The following EIF2B1 variants were observed in gnomAD, a reference collection of about 807,000 sequenced individuals.
The protein encoded by EIF2B1 is eukaryotic translation initiation factor 2B subunit alpha.
Under a neutral mutation model 36.8 loss-of-function variants are expected in EIF2B1, and 30 were observed. The observed-to-expected ratio is 0.81, with a 90% CI of 0.61 to 1.10. EIF2B1 has a LOEUF of 1.10. Ranked by LOEUF, EIF2B1 falls within the 50% of genes least tolerant of loss-of-function variation. EIF2B1 has a pLI of 0.00. For missense variants in EIF2B1, 271 were observed against 374.8 expected (o/e 0.72, Z 2.29); for synonymous variants, 139 against 142.2 (o/e 0.98, Z 0.16).
chr12:123,629,567 G>A (rs182474783), intron 4 of EIF2B1, among the ~76,000 whole-genome samples: 68 of 152,278 alleles, frequency 4.5e-4, no homozygotes, highest in Non-Finnish European at 7.5e-4. Flanking sequence ...GCCGAAGCGG[G>A]TGGATCACAA....
chr12:123,622,773 G>A lies in EIF2B1; in HGVS notation c.628-12C>T. Reference sequence around the variant, plus strand: ...TGGTTGGTTCCAATCTGGGAAGGCAGAAAATGGAATGGATGAGCTCTAGAG... The same window carrying A: ...TGGTTGGTTCCAATCTGGGAAGGCAAAAAATGGAATGGATGAGCTCTAGAG... On this transcript the variant is annotated splice_polypyrimidine_tract_variant and intron_variant, in intron 7 of 8. Coordinates refer to ENST00000424014, the MANE Select transcript of EIF2B1 (RefSeq NM_001414.4). 1 of 1,613,510 alleles carries A rather than the reference G, an allele frequency of 6.2e-7. No homozygotes were observed.
At chr12:123,621,957 T>C (rs1955103851) in intron 8 of EIF2B1, 37 bp from the exon 9 acceptor site, 1 of 1,611,320 alleles carries the variant, frequency 6.2e-7, no homozygotes, top group Non-Finnish European at 8.5e-7. Context: ...GCACTGAATA[T>C]TTAGTGCTCT....
intron 7 of EIF2B1, among the ~76,000 whole-genome samples, chr12:123,623,929 G>A (rs1397966540): frequency 6.6e-6 from 1 of 151,974 alleles, no homozygotes; most frequent in East Asian, 1.9e-4. Context: ...TGTAATCCTA[G>A]CACTTTGGGA....
At chr12:123,622,899 C>A in intron 7 of EIF2B1, 138 bp from the exon 8 acceptor site, 1 of 1,323,186 alleles carries the variant, frequency 7.6e-7, no homozygotes, top group Non-Finnish European at 1.1e-6. Context: ...CACCTGAACC[C>A]ATGAGTTTGG....
At position 123,632,945 on chromosome 12, in the gene EIF2B1, CA is replaced by C. The variant is rs4040224; in HGVS notation, c.14-500del. 2.1e-3 allele frequency among the ~76,000 whole-genome samples: 156 copies of C among 75,110 alleles called. 1 individual carries two copies. The highest frequency in any genetic ancestry group is 4.7e-3 in the East Asian group (9 of 1,918). The allele number at this position is 75,110 out of a possible 152,430, so 49.3% of individuals were successfully genotyped here. A position where few individuals can be genotyped will look rare whatever the true frequency, so the allele number is the denominator to read the frequency against. On this transcript the variant is annotated intron_variant, in intron 1 of 8. Coordinates refer to ENST00000424014, the MANE Select transcript of EIF2B1 (RefSeq NM_001414.4). ...TGGGTGACAGAGCGAGACTCCGTCT[CA>C]AAAAAAAAAAAAAAAAAGCTACTGG...
intron 5 of EIF2B1, 83 bp downstream of exon 5, chr12:123,626,961 G>T: frequency 7.9e-7 from 1 of 1,264,970 alleles, no homozygotes; most frequent in Non-Finnish European, 1.2e-6. Context: ...GGCACATTCT[G>T]GTTCTGATCC....
Position 123,630,154 on chromosome 12 carries a change from T to C in EIF2B1, c.369+15A>G, listed in dbSNP as rs553282463. 1 of 1,610,694 alleles carries C rather than the reference T, an allele frequency of 6.2e-7. No individual in the cohort carries two copies. Among genetic ancestry groups the C allele is most frequent in the African/African-American group, 1.3e-5 (1 of 74,986 alleles). ...CCGTTGCTCCTCCTTACCACCATGA[T>C]GATTATCCACTCACCGCTCCATCTT... On this transcript the variant is annotated intron_variant, in intron 4 of 8. Transcript: ENST00000424014. This position sits in a 1 kb window ranked among gnomAD's most constrained non-coding sequence, Gnocchi z 4.6.
intron 1 of EIF2B1, 51 bp downstream of exon 1, chr12:123,633,494 C>T (rs758493809): frequency 3.1e-6 from 5 of 1,613,452 alleles, no homozygotes; most frequent in Non-Finnish European, 4.2e-6. Flanking sequence ...GTTGGGGGGA[C>T]CCCTGAACGG....
chr12:123,628,977 G>C (rs1411736453), intron 4 of EIF2B1, among the ~76,000 whole-genome samples: 1 of 151,876 alleles, frequency 6.6e-6, no homozygotes, highest in African/African-American at 2.4e-5. Context: ...CGGCACAGCA[G>C]GTCTGTGGAA....
rs902639499 is a variant in EIF2B1 at position 123,630,846 on chromosome 12, C to T, written c.116-313G>A. 6.6e-6 allele frequency among the ~76,000 whole-genome samples: 1 copy of T among 151,768 alleles called. No homozygotes were observed. Among genetic ancestry groups the T allele is most frequent in the African/African-American group, 2.4e-5 (1 of 41,290 alleles). On this transcript the variant is annotated intron_variant, in intron 2 of 8. Coordinates refer to ENST00000424014, the MANE Select transcript of EIF2B1 (RefSeq NM_001414.4). The surrounding 1 kb of genome is among the most constrained non-coding windows in gnomAD (Gnocchi z 4.6). ...GGCATGGAAAGACATTAAGTAGCAG[C>T]GGCAGATGAGGTCTGCAAGGTGGTA...
At position 123,623,469 on chromosome 12, in the gene EIF2B1, AAAG is replaced by A. The variant is rs1217215980; in HGVS notation, c.628-711_628-709del. On this transcript the variant is annotated intron_variant, in intron 7 of 8. Coordinates refer to ENST00000424014, the MANE Select transcript of EIF2B1 (RefSeq NM_001414.4). ...CTTTGTGCTTTGCTAGTGGGAATGT[AAAG>A]TAGTGCAGCTGCTGTGGAAAATCAT... Among the ~76,000 whole-genome samples the A allele has an allele frequency of 2.6e-5, 4 of 152,156 alleles. 1 individual carries two copies. Among genetic ancestry groups the A allele is most frequent in the African/African-American group, 9.7e-5 (4 of 41,448 alleles).
chr12:123,627,543 A>G (rs951576311), intron 4 of EIF2B1, among the ~76,000 whole-genome samples: 1 of 152,236 alleles, frequency 6.6e-6, no homozygotes, highest in Admixed American at 6.5e-5. Context: ...TGGGGCCAGC[A>G]GCAAAGCGAA....
In EIF2B1 at chr12:123,622,007, T is replaced by C. The variant is rs1183894226; in HGVS notation, c.754-87A>G. 3 of 1,535,900 alleles carry C rather than the reference T, an allele frequency of 2.0e-6. No homozygotes were observed. The East Asian group carries it at 7.0e-5, about 36-fold the overall frequency. On this transcript the variant is annotated intron_variant, in intron 8 of 8. Transcript: ENST00000424014. The stretch of plus-strand genomic sequence containing the variant: ...TTGGTGTGAGTGATCAGTGTGCTAC[T>C]TCCTGAGACTGCTCTCTGAAAATGG...
rs1955099540 is a variant in EIF2B1, at chr12:123,621,620, G to A, written c.*136C>T. 1.8e-6 allele frequency: 2 copies of A among 1,086,972 alleles called. No individual in the cohort carries two copies. The highest frequency in any genetic ancestry group is 2.8e-6 in the Non-Finnish European group (2 of 726,976). The allele number at this position is 1,086,972 out of a possible 1,614,324, so 67.3% of individuals were successfully genotyped here. A position where few individuals can be genotyped will look rare whatever the true frequency, so the allele number is the denominator to read the frequency against. ...ATGAGTAAGAAAGGTTCTCCAAGAT[G>A]TATGATTTTAAGTCCTTACTCCATA... On this transcript the variant is annotated 3_prime_UTR_variant, in exon 9 of 9. Coordinates refer to ENST00000424014, the MANE Select transcript of EIF2B1 (RefSeq NM_001414.4).
rs1955100945 is a variant in EIF2B1 at position 123,621,747 on chromosome 12, G to A, written c.*9C>T. The A allele has an allele frequency of 6.2e-6, 10 of 1,613,280 alleles. No individual in the cohort carries two copies. The highest frequency in any genetic ancestry group is 8.5e-6 in the Non-Finnish European group (10 of 1,180,026). On this transcript the variant is annotated 3_prime_UTR_variant, in exon 9 of 9. Coordinates refer to ENST00000424014, the MANE Select transcript of EIF2B1 (RefSeq NM_001414.4). ...GTAAGCTGCACCTTGGCAGGAAAGG[G>A]CTCACAGGTTACAGATAGAGCTTGA...
chr12:123,628,167 C>T (rs1955162124), intron 4 of EIF2B1, among the ~76,000 whole-genome samples: 1 of 152,026 alleles, frequency 6.6e-6, no homozygotes, highest in Non-Finnish European at 1.5e-5. Flanking sequence ...ACGATCCTCC[C>T]ACCTCAGCCA....
At position 123,629,565 on chromosome 12, in the gene EIF2B1, G is replaced by A. The variant is rs189814156; in HGVS notation, c.369+604C>T. ...TCCCAGCACTTTGGGAGGCCGAAGCGGGTGGATCACAAGGTCAGGAGATCG... is the reference window on the plus strand; with the variant it reads ...TCCCAGCACTTTGGGAGGCCGAAGCAGGTGGATCACAAGGTCAGGAGATCG... On this transcript the variant is annotated intron_variant, in intron 4 of 8. Coordinates refer to ENST00000424014, the MANE Select transcript of EIF2B1 (RefSeq NM_001414.4). Among the ~76,000 whole-genome samples the A allele has an allele frequency of 6.1e-4, 93 of 152,218 alleles. 2 individuals are homozygous for A. Among genetic ancestry groups the A allele is most frequent in the African/African-American group, 2.1e-3 (88 of 41,534 alleles).
chr12:123,630,199 A>G lies in EIF2B1; in HGVS notation c.339T>C (p.Asp113=). Residue 113 remains aspartate, a synonymous_variant, in exon 4 of 9, where the codon GAT becomes GAC. Transcript: ENST00000424014. The surrounding 1 kb of genome is among the most constrained non-coding windows in gnomAD (Gnocchi z 4.6). ...RISLSRNKIA[D]LCHTFIKDGA... is the part of the protein sequence containing the mutation. ...CATCTTTGATGAAAGTATGGCACAG[A>G]TCTGCAATTTTGTTTCTTGACAGTG... 4 of 1,614,030 alleles carry G rather than the reference A, an allele frequency of 2.5e-6. No individual in the cohort carries two copies. Among genetic ancestry groups the G allele is most frequent in the Non-Finnish European group, 3.4e-6 (4 of 1,180,020 alleles).
Position 123,630,014 on chromosome 12 carries a change from T to C in EIF2B1, c.369+155A>G. ...CAACCCAAGGAGGTAGGTACTATTG[T>C]CATCCTTATTTAACAGATGAGAAAG... is the stretch of plus-strand genomic sequence containing the variant. On this transcript the variant is annotated intron_variant, in intron 4 of 8. Coordinates refer to ENST00000424014, the MANE Select transcript of EIF2B1 (RefSeq NM_001414.4). This position sits in a 1 kb window ranked among gnomAD's most constrained non-coding sequence, Gnocchi z 4.6. The C allele has an allele frequency of 1.4e-6, 1 of 739,514 alleles. No individual in the cohort carries two copies. The highest frequency in any genetic ancestry group is 2.4e-6 in the Non-Finnish European group (1 of 416,660). 45.8% of individuals were successfully genotyped at this position (739,514 alleles called of 1,614,324 possible).
Sources: allele counts gnomAD v4.1 joint callset (sites outside exome capture counted in the v4.1 genomes callset), GRCh38; gene constraint gnomAD v4.1.1; non-coding constraint Gnocchi (gnomAD v3.1); transcripts MANE v1.5; gene names NCBI Gene and HGNC (gene_info 2026-07-23, HGNC 2026-07-21).